SMURF1: variants seen among roughly 807,000 people sequenced by gnomAD.
SMURF1 encodes SMAD specific E3 ubiquitin protein ligase 1.
SMURF1 carries 44 observed loss-of-function variants against 98.0 expected under a neutral mutation model. That is an observed-to-expected ratio of 0.45 (90% confidence interval 0.35 to 0.58). The LOEUF is 0.58. SMURF1 is among the 20% of genes least tolerant of loss of function. SMURF1 has a pLI of 0.00. For missense variants in SMURF1, 687 were observed against 938.4 expected, an observed-to-expected ratio of 0.73 and a Z score of 3.50; for synonymous variants, 396 against 374.9, an observed-to-expected ratio of 1.06 and a Z score of -0.65.
chr7:99,060,494 A>G (rs1796006136), intron 3 of SMURF1, 105 bp downstream of exon 3: 1 of 691,814 alleles, frequency 1.4e-6, no homozygotes, highest in Admixed American at 3.3e-5. Context: ...TTTGTTATCA[A>G]TAAAAAGTCA....
intron 9 of SMURF1, chr7:99,048,256 G>A (rs188821952): frequency 8.9e-6 from 2 of 225,920 alleles, no homozygotes; most frequent in East Asian, 1.1e-4. Context: ...AGGTGTGGTG[G>A]TGGGCACTTA....
At chr7:99,091,447 C>T (rs1194167671) in intron 1 of SMURF1, among the ~76,000 whole-genome samples, 5 of 152,316 alleles carry the variant, frequency 3.3e-5, no homozygotes, top group African/African-American at 1.2e-4. Flanking sequence ...TTACATGTCT[C>T]TCTCAGGGTC....
intron 1 of SMURF1, among the ~76,000 whole-genome samples, chr7:99,123,066 G>A (rs183097082): frequency 1.1e-4 from 17 of 150,808 alleles, no homozygotes; most frequent in African/African-American, 2.2e-4. Flanking sequence ...AGCGTAAACC[G>A]AGAATTCCCA....
At position 99,042,360 on chromosome 7, in the gene SMURF1, A is replaced by G; in HGVS notation, c.1257-128T>C. ...AGTGGCATGATCTTGGCTCACTGCA[A>G]CCTCTGCCTTCCTGGTCCAAGTGAT... On this transcript the variant is annotated intron_variant, in intron 11 of 17. Coordinates refer to ENST00000361368, the MANE Select transcript of SMURF1 (RefSeq NM_181349.3). 3 of 602,664 alleles carry G rather than the reference A, an allele frequency of 5.0e-6. 1 individual carries two copies. Among genetic ancestry groups the G allele is most frequent in the East Asian group, 3.0e-5 (1 of 33,136 alleles). 37.3% of individuals were successfully genotyped at this position (602,664 alleles called of 1,614,324 possible).
chr7:99,140,863 G>C (rs1252168551), intron 1 of SMURF1, among the ~76,000 whole-genome samples: 3 of 150,846 alleles, frequency 2.0e-5, no homozygotes, highest in Admixed American at 6.6e-5. Context: ...TTCAAATTTT[G>C]AAAGATTGCT....
rs200235337 is a variant in SMURF1 at position 99,033,166 on chromosome 7, G to A, written c.2012-45C>T. On this transcript the variant is annotated intron_variant, in intron 16 of 17. Transcript: ENST00000361368. ...GTTAATGTACTTCAGAGTTACAGCC[G>A]TGGCGCTTCCCGGCCACACAGCCCC... is the stretch of plus-strand genomic sequence containing the variant. The A allele has an allele frequency of 3.9e-3, 5,983 of 1,540,824 alleles. 14 individuals are homozygous for A. Among genetic ancestry groups the A allele is most frequent in the Non-Finnish European group, 4.3e-3 (4,859 of 1,138,400 alleles).
At chr7:99,127,793 G>A (rs552685776) in intron 1 of SMURF1, among the ~76,000 whole-genome samples, 28 of 152,222 alleles carry the variant, frequency 1.8e-4, no homozygotes, top group Middle Eastern at 6.8e-3. Context: ...CATACTGCTT[G>A]AAATGAAACA....
chr7:99,035,885 T>A, intron 15 of SMURF1, 169 bp from the exon 16 acceptor site: 1 of 667,552 alleles, frequency 1.5e-6, no homozygotes, highest in Non-Finnish European at 2.5e-6. Flanking sequence ...AGGAGGCCTG[T>A]GGCACATGCT....
At position 99,030,445 on chromosome 7, in the gene SMURF1, C is replaced by T; in HGVS notation, c.*139G>A. ...AAAGTCCCCCATCCCCCTCCCCCAA[C>T]AGAAAGGAGAGAGACAACCCTTTCC... On this transcript the variant is annotated 3_prime_UTR_variant, in exon 18 of 18. Coordinates refer to ENST00000361368, the MANE Select transcript of SMURF1 (RefSeq NM_181349.3). 1.4e-6 allele frequency: 1 copy of T among 721,146 alleles called. No individual in the cohort carries two copies. The highest frequency in any genetic ancestry group is 2.3e-6 in the Non-Finnish European group (1 of 427,432). 44.7% of individuals were successfully genotyped at this position (721,146 alleles called of 1,614,324 possible). A position where few individuals can be genotyped will look rare whatever the true frequency, so the allele number is the denominator to read the frequency against.
chr7:99,120,328 A>C (rs1201372291), intron 1 of SMURF1, among the ~76,000 whole-genome samples: 1 of 152,206 alleles, frequency 6.6e-6, no homozygotes, highest in Non-Finnish European at 1.5e-5. Flanking sequence ...ACTAACAAGT[A>C]TGGCTTCAAA....
intron 1 of SMURF1, among the ~76,000 whole-genome samples, chr7:99,076,742 A>G (rs1796467048): frequency 6.6e-6 from 1 of 152,216 alleles, no homozygotes; most frequent in African/African-American, 2.4e-5. Flanking sequence ...CAGTCATGTT[A>G]GATGCTGTTA....
chr7:99,134,571 CT>C (rs1797944525), intron 1 of SMURF1, among the ~76,000 whole-genome samples: 1 of 152,108 alleles, frequency 6.6e-6, no homozygotes, highest in South Asian at 2.1e-4. Context: ...TTTTCTACTT[CT>C]ACAGAGCCAG....
rs554318819 is a variant in SMURF1 at position 99,125,581 on chromosome 7, G to C, written c.55+18145C>G. Among the ~76,000 whole-genome samples, 37 of 152,232 alleles carry C rather than the reference G, an allele frequency of 2.4e-4. No individual in the cohort carries two copies. The South Asian group carries it at 6.4e-3, about 26-fold the overall frequency. On this transcript the variant is annotated intron_variant, in intron 1 of 17. Transcript: ENST00000361368. Reference sequence around the variant, plus strand: ...ATTAGGTGTCGCTCTGTGTCACCAGGTTCCTTCCCAAGTAGCACAACAGCA... The same window carrying C: ...ATTAGGTGTCGCTCTGTGTCACCAGCTTCCTTCCCAAGTAGCACAACAGCA...
chr7:99,109,510 C>T (rs1797274459), intron 1 of SMURF1, among the ~76,000 whole-genome samples: 1 of 152,180 alleles, frequency 6.6e-6, no homozygotes, highest in Non-Finnish European at 1.5e-5. Context: ...GGCCTGGAGA[C>T]CAGCCCCACA....
chr7:99,130,089 GCT>G (rs1797837477), intron 1 of SMURF1, among the ~76,000 whole-genome samples: 2 of 152,084 alleles, frequency 1.3e-5, no homozygotes, highest in African/African-American at 4.8e-5. Flanking sequence ...TCTTAAAACT[GCT>G]CTGTTATCTC....
At chr7:99,070,049 T>C (rs1171741335) in intron 1 of SMURF1, among the ~76,000 whole-genome samples, 1 of 152,218 alleles carries the variant, frequency 6.6e-6, no homozygotes, top group African/African-American at 2.4e-5. Context: ...TTGCTTAAAA[T>C]ATGGATGTTA....
intron 9 of SMURF1, chr7:99,049,257 C>A: frequency 3.1e-6 from 1 of 325,844 alleles, no homozygotes; most frequent in Non-Finnish European, 5.8e-6. Context: ...AACCTAAGGG[C>A]CACGTGTCTC....
intron 1 of SMURF1, among the ~76,000 whole-genome samples, chr7:99,073,839 A>ACATG (rs1428830444): frequency 6.6e-6 from 1 of 152,086 alleles, no homozygotes; most frequent in Non-Finnish European, 1.5e-5. Flanking sequence ...ATGCACAGAT[A>ACATG]CATGCTCACC....
At chr7:99,041,281 G>A (rs1795370147) in intron 12 of SMURF1, among the ~76,000 whole-genome samples, 1 of 152,084 alleles carries the variant, frequency 6.6e-6, no homozygotes, top group East Asian at 1.9e-4. Context: ...AGGGGTCTGT[G>A]ATCCCAGCTA....
Sources: allele counts gnomAD v4.1 joint callset (sites outside exome capture counted in the v4.1 genomes callset), GRCh38; gene constraint gnomAD v4.1.1; transcripts MANE v1.5; gene names NCBI Gene and HGNC (gene_info 2026-07-23, HGNC 2026-07-21).